NCOR2: variants seen among roughly 807,000 people sequenced by gnomAD.
The protein encoded by NCOR2 is CTG repeat protein 26.
Under a neutral mutation model 262.9 loss-of-function variants are expected in NCOR2, and 81 were observed. The observed-to-expected ratio is 0.31, with a 90% CI of 0.26 to 0.37. NCOR2 has a LOEUF of 0.37. NCOR2 is among the 10% of genes least tolerant of loss of function. The pLI, the probability that NCOR2 is intolerant of heterozygous loss-of-function variation, is 1.00. For missense variants in NCOR2, 3,385 were observed against 3,621.4 expected, an observed-to-expected ratio of 0.93 and a Z score of 1.68; for synonymous variants, 1,659 against 1,559.3, an observed-to-expected ratio of 1.06 and a Z score of -1.51.
At chr12:124,404,558 C>T (rs565733979) in intron 13 of NCOR2, among the ~76,000 whole-genome samples, 2 of 152,310 alleles carry the variant, frequency 1.3e-5, no homozygotes, top group South Asian at 2.1e-4. Flanking sequence ...ATGTCTGCTC[C>T]GGCATGGCCA....
intron 16 of NCOR2, among the ~76,000 whole-genome samples, chr12:124,394,076 T>C (rs1420047117): frequency 6.6e-6 from 1 of 152,208 alleles, no homozygotes; most frequent in Non-Finnish European, 1.5e-5. Flanking sequence ...CCCCAAAGTG[T>C]AGGTACCTGC....
chr12:124,432,284 C>T lies in NCOR2; in HGVS notation c.883-1497G>A, dbSNP rs1469412010. ...GACAGGCACATAGTTGCATGGCTAT[C>T]CAGCAGACGGGGGCCCCTGAAGAAA... On this transcript the variant is annotated intron_variant, in intron 8 of 46. Transcript: ENST00000405201. This position sits in a 1 kb window ranked among gnomAD's most constrained non-coding sequence, Gnocchi z 5.1. 2.6e-5 allele frequency among the ~76,000 whole-genome samples: 4 copies of T among 152,142 alleles called. No individual in the cohort carries two copies. Among genetic ancestry groups the T allele is most frequent in the African/African-American group, 9.7e-5 (4 of 41,418 alleles).
Position 124,426,521 on chromosome 12 carries a change from C to T in NCOR2, c.1328+101G>A, listed in dbSNP as rs2043561066. ...GTAAATCCCTGCGGTTTTAAGCACC[C>T]CCCGGCATGCTCATTTGTGGTGGCT... On this transcript the variant is annotated intron_variant, in intron 11 of 46. Coordinates refer to ENST00000405201, the Ensembl canonical transcript of NCOR2. 4 of 1,201,908 alleles carry T rather than the reference C, an allele frequency of 3.3e-6. No homozygotes were observed. In the South Asian group the frequency reaches 7.9e-5, roughly 24 times the overall value. The allele number at this position is 1,201,908 out of a possible 1,614,324, so 74.5% of individuals were successfully genotyped here.
At chr12:124,426,830 G>A in intron 10 of NCOR2, 30 bp from the exon 13 acceptor site, 2 of 1,536,436 alleles carry the variant, frequency 1.3e-6, no homozygotes, top group Non-Finnish European at 1.8e-6. Flanking sequence ...AGGGTCAGAG[G>A]CCCAGGGACG....
At chr12:124,418,523 A>G (rs1463363870) in intron 13 of NCOR2, among the ~76,000 whole-genome samples, 1 of 152,188 alleles carries the variant, frequency 6.6e-6, no homozygotes, top group African/African-American at 2.4e-5. Flanking sequence ...TATAGGGAGT[A>G]CCAGCCACCT....
chr12:124,351,438 T>C (rs1027473372), intron 27 of NCOR2, among the ~76,000 whole-genome samples: 3 of 152,164 alleles, frequency 2.0e-5, no homozygotes, highest in Non-Finnish European at 4.4e-5. Context: ...TTCAAAGCAC[T>C]AGAAGCCAGG....
At chr12:124,526,533 C>A (rs1178536688) in intron 1 of NCOR2, among the ~76,000 whole-genome samples, 1 of 152,196 alleles carries the variant, frequency 6.6e-6, no homozygotes. Flanking sequence ...CACCCTGGAG[C>A]TGCATGGACA....
intron 18 of NCOR2, among the ~76,000 whole-genome samples, chr12:124,375,871 C>T (rs1232480747): frequency 6.6e-6 from 1 of 152,232 alleles, no homozygotes; most frequent in Non-Finnish European, 1.5e-5. Context: ...AGACGCTTTC[C>T]ACTGCCCCCG....
intron 3 of NCOR2, among the ~76,000 whole-genome samples, chr12:124,476,170 G>A (rs145861747): frequency 1.6e-4 from 25 of 152,232 alleles, no homozygotes; most frequent in African/African-American, 5.8e-4. Flanking sequence ...TGGCACCCCC[G>A]GGCCTTTGCA....
chr12:124,492,394 G>T (rs1228873720), intron 1 of NCOR2, among the ~76,000 whole-genome samples: 1 of 152,206 alleles, frequency 6.6e-6, no homozygotes, highest in African/African-American at 2.4e-5. Context: ...CCACACTGAG[G>T]TCTCACAGGC....
chr12:124,337,883 C>T (rs1182363414), intron 37 of NCOR2, among the ~76,000 whole-genome samples: 4 of 152,236 alleles, frequency 2.6e-5, no homozygotes, highest in Admixed American at 2.0e-4. Flanking sequence ...CCCCATCTCT[C>T]GCTAACTCTA....
chr12:124,508,268 G>A (rs571192214), intron 1 of NCOR2, among the ~76,000 whole-genome samples: 11 of 152,340 alleles, frequency 7.2e-5, no homozygotes, highest in African/African-American at 2.4e-4. Flanking sequence ...GACGCATCTG[G>A]GCCATTCAAT....
chr12:124,327,201 G>A lies in NCOR2; in HGVS notation c.7183+208C>T, dbSNP rs774379171. 4.6e-5 allele frequency among the ~76,000 whole-genome samples: 7 copies of A among 152,156 alleles called. No homozygotes were observed. In the South Asian group the frequency reaches 1.0e-3, roughly 23 times the overall value. On this transcript the variant is annotated intron_variant, in intron 45 of 46. Coordinates refer to ENST00000405201, the Ensembl canonical transcript of NCOR2. ...TTCGGGCCTAGTGGGCAGGAGGGCC[G>A]GGGCTGGGGGGCAGAGGGTACAGAC...
At chr12:124,325,376 C>CGGGGGGGGGGGGGGGGG in exon 47 of NCOR2, 6 of 426,504 alleles carry the variant, frequency 1.4e-5, no homozygotes, top group East Asian at 4.5e-5. Context: ...GACCTGACAC[C>CGGGGGGGGGGGGGGGGG]GCCCCCCCCC....
chr12:124,326,270 G>T, exon 46 of NCOR2: 2 of 1,561,612 alleles, frequency 1.3e-6, no homozygotes, highest in East Asian at 2.4e-5. Context: ...AGTGCACTGA[G>T]GAGACAGAGG....
Position 124,517,017 on chromosome 12 carries a change from T to C in NCOR2, c.-118+18548A>G, listed in dbSNP as rs1451621949. On this transcript the variant is annotated intron_variant, in intron 1 of 46. Transcript: ENST00000404621. The surrounding 1 kb of genome is among the most constrained non-coding windows in gnomAD (Gnocchi z 7.6). ...TGCCCAAGGTCACACAGCCAGGAAG[T>C]GTCCAACCAGGACAGGAACCCAGGC... Among the ~76,000 whole-genome samples, 1 of 151,904 alleles carries C rather than the reference T, an allele frequency of 6.6e-6. No individual in the cohort carries two copies. Among genetic ancestry groups the C allele is most frequent in the Non-Finnish European group, 1.5e-5 (1 of 67,950 alleles).
chr12:124,327,704 G>A, intron 44 of NCOR2, 71 bp from the exon 47 acceptor site: 1 of 1,099,832 alleles, frequency 9.1e-7, no homozygotes, highest in Non-Finnish European at 1.3e-6. Flanking sequence ...GGGCGACAGA[G>A]AGAGAGAAGG....
chr12:124,492,014 C>T (rs2048108281), intron 1 of NCOR2, among the ~76,000 whole-genome samples: 1 of 152,286 alleles, frequency 6.6e-6, no homozygotes, highest in Non-Finnish European at 1.5e-5. Flanking sequence ...AGGGTCCAGG[C>T]CTCTGTCTGC....
intron 4 of NCOR2, among the ~76,000 whole-genome samples, chr12:124,468,219 A>C (rs1269163048): frequency 5.4e-4 from 5 of 9,228 alleles, no homozygotes; most frequent in Admixed American, 1.5e-3. Flanking sequence ...CATCCTCATC[A>C]CCCCCCTCAT....
Sources: allele counts gnomAD v4.1 joint callset (sites outside exome capture counted in the v4.1 genomes callset), GRCh38; gene constraint gnomAD v4.1.1; non-coding constraint Gnocchi (gnomAD v3.1); transcripts MANE v1.5; gene names NCBI Gene and HGNC (gene_info 2026-07-23, HGNC 2026-07-21).